Variants in SDK1 observed in about 807,000 individuals in gnomAD.
SDK1 encodes sidekick cell adhesion molecule 1.
SDK1 carries 157 observed loss-of-function variants against 245.5 expected under a neutral mutation model. The ratio of observed to expected loss-of-function variants is 0.64; its 90% CI spans 0.56 to 0.73. The LOEUF (loss-of-function observed/expected upper bound fraction) is 0.73, where lower values mean the gene tolerates loss of function less well. SDK1 is among the 30% of genes least tolerant of loss of function. The pLI is 0.00. For missense variants in SDK1, 3,583 were observed against 3,002.3 expected, an observed-to-expected ratio of 1.19 and a Z score of -4.52; for synonymous variants, 1,647 against 1,278.5, an observed-to-expected ratio of 1.29 and a Z score of -6.15.
intron 1 of SDK1, among the ~76,000 whole-genome samples, chr7:3,483,746 AGAT>A (rs1302575894): frequency 6.6e-6 from 1 of 152,178 alleles, no homozygotes; most frequent in Admixed American, 6.5e-5. Context: ...CAGTACTATT[AGAT>A]GATATTTATT....
At chr7:4,041,383 C>T (rs1304159927) in intron 17 of SDK1, among the ~76,000 whole-genome samples, 1 of 151,428 alleles carries the variant, frequency 6.6e-6, no homozygotes, top group African/African-American at 2.4e-5. Flanking sequence ...ATGTACAAAG[C>T]CTCTCCCACT....
rs1360984753 is a variant in SDK1 at position 3,301,622 on chromosome 7, C to CGGT, written c.38_39insTGG (p.Gly16dup). On this transcript the variant is annotated inframe_insertion, in exon 1 of 45. Transcript: ENST00000404826. ...GCGCCCGGCCCTCGGCGGCCGGTGG[C>CGGT]GGCGGCGGCGGCGCGGAGCCCCCTG... is the stretch of plus-strand genomic sequence containing the variant. 52 of 968,292 alleles carry CGGT rather than the reference C, an allele frequency of 5.4e-5. No homozygotes were observed. In the African/African-American group the frequency reaches 8.5e-4, roughly 16 times the overall value. The allele number at this position is 968,292 out of a possible 1,614,324, so 60.0% of individuals were successfully genotyped here. A position where few individuals can be genotyped will look rare whatever the true frequency, so the allele number is the denominator to read the frequency against.
intron 1 of SDK1, among the ~76,000 whole-genome samples, chr7:3,592,907 A>C (rs1330679446): frequency 1.3e-5 from 2 of 152,224 alleles, no homozygotes; most frequent in African/African-American, 4.8e-5. Flanking sequence ...GCCAGTGAAT[A>C]ACCTGGAGTC....
chr7:3,639,678 G>C (rs139921724), intron 3 of SDK1, among the ~76,000 whole-genome samples: 66 of 152,262 alleles, frequency 4.3e-4, no homozygotes, highest in African/African-American at 1.5e-3. Context: ...TTTTCATGTA[G>C]TCTTGAGGAG....
chr7:4,013,493 T>A (rs1583828847), intron 16 of SDK1, among the ~76,000 whole-genome samples: 1 of 152,202 alleles, frequency 6.6e-6, no homozygotes, highest in African/African-American at 2.4e-5. Context: ...CTAACAAAGG[T>A]CTTCAGCAGA....
chr7:3,988,371 C>T (rs1784039358), intron 14 of SDK1, among the ~76,000 whole-genome samples: 1 of 151,992 alleles, frequency 6.6e-6, no homozygotes, highest in African/African-American at 2.4e-5. Flanking sequence ...GCCAGGACCA[C>T]TGCAGCAGCC....
At chr7:4,057,476 C>G (rs1037732545) in intron 19 of SDK1, among the ~76,000 whole-genome samples, 3 of 152,200 alleles carry the variant, frequency 2.0e-5, no homozygotes, top group Non-Finnish European at 2.9e-5. Flanking sequence ...CCAGTGCAGA[C>G]TGCTAAGGAG....
intron 13 of SDK1, among the ~76,000 whole-genome samples, chr7:3,977,201 C>T (rs1169905335): frequency 3.5e-5 from 1 of 28,340 alleles, no homozygotes; most frequent in Non-Finnish European, 5.9e-5. Context: ...GCTGAGGCTG[C>T]GAGGCTGCCA....
At chr7:3,877,649 C>T (rs111531561) in intron 5 of SDK1, among the ~76,000 whole-genome samples, 1 of 152,174 alleles carries the variant, frequency 6.6e-6, no homozygotes, top group East Asian at 1.9e-4. Flanking sequence ...CATCTGTAAT[C>T]CTATCACACA....
chr7:4,215,722 T>C (rs682302), intron 38 of SDK1, among the ~76,000 whole-genome samples: 150,151 of 152,316 alleles, frequency 0.99, 74,009 homozygotes, highest in East Asian at 1. Context: ...CAGCCGTGCA[T>C]GAGAGAGGTA....
rs116859368 is a variant in SDK1, at chr7:3,393,545, G to A, written c.298+91661G>A. Among the ~76,000 whole-genome samples the A allele has an allele frequency of 4.2e-3, 633 of 152,214 alleles. 7 individuals carry two copies. The highest frequency in any genetic ancestry group is 0.018 in the South Asian group (87 of 4,822). On this transcript the variant is annotated intron_variant, in intron 1 of 44. Transcript: ENST00000404826. Reference sequence around the variant, plus strand: ...GTGAAAAACAACTCAAGGGAATATCGGGAAAGAGTAGATAAAACTGGATTA... The same window carrying A: ...GTGAAAAACAACTCAAGGGAATATCAGGAAAGAGTAGATAAAACTGGATTA...
At position 3,657,905 on chromosome 7, in the gene SDK1, A is replaced by C. The variant is rs144285710; in HGVS notation, c.713+15800A>C. Among the ~76,000 whole-genome samples the C allele has an allele frequency of 5.9e-5, 9 of 152,298 alleles. No homozygotes were observed. In the East Asian group the frequency reaches 1.7e-3, roughly 29 times the overall value. The stretch of plus-strand genomic sequence containing the variant: ...AAGTCATCTGTCAGACATAGAGCCG[A>C]GGATGGAGGTTGGCATTTGAATGAT... On this transcript the variant is annotated intron_variant, in intron 4 of 44. Transcript: ENST00000404826.
intron 5 of SDK1, among the ~76,000 whole-genome samples, chr7:3,847,254 C>T (rs1013192996): frequency 6.6e-6 from 1 of 152,158 alleles, no homozygotes; most frequent in African/African-American, 2.4e-5. Flanking sequence ...CCATCGACTT[C>T]ATCAAGTTCA....
At chr7:3,679,892 T>G (rs1286462225) in intron 4 of SDK1, among the ~76,000 whole-genome samples, 1 of 152,204 alleles carries the variant, frequency 6.6e-6, no homozygotes, top group Non-Finnish European at 1.5e-5. Context: ...ACCCTATCGG[T>G]CACACTTCTT....
At chr7:3,742,147 T>A (rs1158452825) in intron 4 of SDK1, among the ~76,000 whole-genome samples, 1 of 151,802 alleles carries the variant, frequency 6.6e-6, no homozygotes, top group Non-Finnish European at 1.5e-5. Flanking sequence ...CTTTTTTTTT[T>A]TACCCCCATT....
chr7:3,542,022 T>C (rs1286701908), intron 1 of SDK1, among the ~76,000 whole-genome samples: 1 of 152,216 alleles, frequency 6.6e-6, no homozygotes, highest in Non-Finnish European at 1.5e-5. Context: ...ACCTGCACAT[T>C]GTGCACATGT....
chr7:3,876,758 T>C (rs1379117103), intron 5 of SDK1, among the ~76,000 whole-genome samples: 1 of 152,172 alleles, frequency 6.6e-6, no homozygotes, highest in Admixed American at 6.5e-5. Flanking sequence ...TCAAGATAAG[T>C]GACCAGGCTT....
At chr7:4,071,693 G>C (rs1050151079) in intron 20 of SDK1, among the ~76,000 whole-genome samples, 1 of 152,170 alleles carries the variant, frequency 6.6e-6, no homozygotes, top group East Asian at 1.9e-4. Flanking sequence ...GCTACCATTC[G>C]GAAGAAGAAG....
intron 5 of SDK1, among the ~76,000 whole-genome samples, chr7:3,828,518 G>T (rs746253653): frequency 6.6e-6 from 1 of 151,736 alleles, no homozygotes; most frequent in Admixed American, 6.6e-5. Context: ...ATCAAAATTT[G>T]TAATACTTTA....
Sources: allele counts gnomAD v4.1 joint callset (sites outside exome capture counted in the v4.1 genomes callset), GRCh38; gene constraint gnomAD v4.1.1; transcripts MANE v1.5; gene names NCBI Gene and HGNC (gene_info 2026-07-23, HGNC 2026-07-21).